SLC36A1: variants seen among roughly 807,000 people sequenced by gnomAD.
SLC36A1 encodes the protein solute carrier family 36 member 1.
A neutral mutation model predicts 47.5 loss-of-function variants in SLC36A1; 30 were observed. The observed-to-expected ratio is 0.63, with a 90% CI of 0.47 to 0.86. SLC36A1 has a LOEUF of 0.86. Ranked by LOEUF, SLC36A1 falls within the 40% of genes least tolerant of loss-of-function variation. The pLI is 0.00. For missense variants in SLC36A1, 517 were observed against 606.0 expected (o/e 0.85, Z 1.54); for synonymous variants, 255 against 249.7 (o/e 1.02, Z -0.20).
At chr5:151,355,711 T>C in the SLC36A1 span, among the ~76,000 whole-genome samples, 3 of 152,192 alleles carry the variant, frequency 2.0e-5, no homozygotes, top group Admixed American at 1.3e-4. Flanking sequence ...TACTGTGAAA[T>C]ATGAAATGTT....
At chr5:151,401,961 C>G in the SLC36A1 span, among the ~76,000 whole-genome samples, 3 of 152,054 alleles carry the variant, frequency 2.0e-5, no homozygotes, top group Non-Finnish European at 2.9e-5. Context: ...ACTTATTTTC[C>G]TATTTGGATG....
the SLC36A1 span, chr5:151,517,781 AAGCT>A: frequency 6.2e-7 from 1 of 1,613,704 alleles, no homozygotes; most frequent in Non-Finnish European, 8.5e-7. Flanking sequence ...AAAGCAACCA[AAGCT>A]GTCACCTCTA....
chr5:151,422,723 A>G, the SLC36A1 span, among the ~76,000 whole-genome samples: 1 of 152,148 alleles, frequency 6.6e-6, no homozygotes, highest in East Asian at 1.9e-4. Flanking sequence ...AAGAGACTCC[A>G]TCTAAAAATA....
the SLC36A1 span, among the ~76,000 whole-genome samples, chr5:151,396,073 G>C: frequency 1.3e-5 from 2 of 152,098 alleles, no homozygotes; most frequent in Non-Finnish European, 1.5e-5. Context: ...GCCTCCCAAA[G>C]TGCTGGGATT....
At chr5:151,443,931 C>T (rs978325798), upstream of SLC36A1, among the ~76,000 whole-genome samples, 1 of 152,080 alleles carries the variant, frequency 6.6e-6, no homozygotes. Flanking sequence ...CTGTCTTTTC[C>T]CTATTGTGTT....
chr5:151,362,000 C>G, the SLC36A1 span, among the ~76,000 whole-genome samples: 1 of 152,178 alleles, frequency 6.6e-6, no homozygotes, highest in African/African-American at 2.4e-5. Context: ...TTAGAATCCT[C>G]TCTCTGTCCT....
the SLC36A1 span, chr5:151,510,353 G>A: frequency 3.2e-6 from 2 of 626,148 alleles, no homozygotes; most frequent in African/African-American, 3.7e-5. Context: ...GAGCACTTTG[G>A]TCCCTGCCCT....
the SLC36A1 span, chr5:151,511,971 T>C: frequency 1.7e-6 from 1 of 596,726 alleles, no homozygotes; most frequent in Non-Finnish European, 3.0e-6. Flanking sequence ...AGATAGTTTT[T>C]GTTGAGAGGG....
At chr5:151,495,966 T>C (rs1024863956), downstream of SLC36A1, among the ~76,000 whole-genome samples, 1 of 152,180 alleles carries the variant, frequency 6.6e-6, no homozygotes, top group Non-Finnish European at 1.5e-5. Context: ...TAAAGTACTA[T>C]AAATATTTGT....
the SLC36A1 span, among the ~76,000 whole-genome samples, chr5:151,528,742 C>T: frequency 5.3e-5 from 8 of 152,086 alleles, no homozygotes; most frequent in Non-Finnish European, 7.4e-5. Flanking sequence ...GGTTTCACTC[C>T]ATTGAATGAG....
At chr5:151,414,296 T>TGAGAGACAAGAAGGGAG in the SLC36A1 span, among the ~76,000 whole-genome samples, 1 of 151,880 alleles carries the variant, frequency 6.6e-6, no homozygotes, top group African/African-American at 2.4e-5. Flanking sequence ...GCATGTTACC[T>TGAGAGACAAGAAGGGAG]ATAGGAAAAA....
chr5:151,476,204 G>A (rs912168635), intron 8 of SLC36A1, among the ~76,000 whole-genome samples: 6 of 152,266 alleles, frequency 3.9e-5, no homozygotes, highest in African/African-American at 1.4e-4. Context: ...TTAGCAGGAA[G>A]CTGTGATCTC....
chr5:151,548,644 C>G, the SLC36A1 span, among the ~76,000 whole-genome samples: 1 of 152,088 alleles, frequency 6.6e-6, no homozygotes, highest in Non-Finnish European at 1.5e-5. Flanking sequence ...CCATGCCAGG[C>G]TAATTTTTGT....
chr5:151,381,083 CA>C, the SLC36A1 span: 2 of 473,802 alleles, frequency 4.2e-6, no homozygotes, highest in Non-Finnish European at 8.0e-6. Context: ...GCACCAGCCA[CA>C]CGACCATGTC....
chr5:151,424,163 G>T, the SLC36A1 span, among the ~76,000 whole-genome samples: 4 of 152,142 alleles, frequency 2.6e-5, no homozygotes, highest in East Asian at 5.8e-4. Flanking sequence ...GCCTCTCATT[G>T]CCTGGGTGTG....
At chr5:151,379,436 C>T in the SLC36A1 span, among the ~76,000 whole-genome samples, 17 of 152,338 alleles carry the variant, frequency 1.1e-4, no homozygotes, top group Middle Eastern at 3.4e-3. Flanking sequence ...CGGGTTCAAG[C>T]GATTCTCCTG....
At chr5:151,453,409 A>G (rs1323558607) in intron 1 of SLC36A1, among the ~76,000 whole-genome samples, 2 of 151,798 alleles carry the variant, frequency 1.3e-5, no homozygotes. Flanking sequence ...TTACCAGTTC[A>G]TTGAAATCTA....
chr5:151,545,897 C>A, the SLC36A1 span: 1 of 1,614,194 alleles, frequency 6.2e-7, no homozygotes, highest in Non-Finnish European at 8.5e-7. Context: ...TCAACCACCA[C>A]CATGACATCA....
At chr5:151,465,727 C>T (rs766507415) in intron 5 of SLC36A1, among the ~76,000 whole-genome samples, 3 of 152,058 alleles carry the variant, frequency 2.0e-5, no homozygotes, top group Non-Finnish European at 4.4e-5. Flanking sequence ...ATTCTCTTGT[C>T]GGCTGTGCCA....
Sources: allele counts gnomAD v4.1 joint callset (sites outside exome capture counted in the v4.1 genomes callset), GRCh38; gene constraint gnomAD v4.1.1; transcripts MANE v1.5; gene names NCBI Gene and HGNC (gene_info 2026-07-23, HGNC 2026-07-21).